Variants in RBFOX1 observed in about 807,000 individuals in gnomAD.
RBFOX1 encodes the protein RNA binding protein fox-1 homolog 1.
Under a neutral mutation model 57.7 loss-of-function variants are expected in RBFOX1, and 8 were observed. The ratio of observed to expected loss-of-function variants is 0.14; its 90% CI spans 0.08 to 0.25. The LOEUF is 0.25. Among genes scored for constraint, RBFOX1 ranks in the 10% least tolerant of loss-of-function variants. The pLI, the probability that RBFOX1 is intolerant of heterozygous loss-of-function variation, is 1.00. For missense variants in RBFOX1, 611 were observed against 548.5 expected, an observed-to-expected ratio of 1.11 and a Z score of -1.14; for synonymous variants, 326 against 222.4, an observed-to-expected ratio of 1.47 and a Z score of -4.15.
intron 3 of RBFOX1, among the ~76,000 whole-genome samples, chr16:6,877,174 A>G (rs1346380327): frequency 6.6e-6 from 1 of 152,178 alleles, no homozygotes; most frequent in Non-Finnish European, 1.5e-5. Flanking sequence ...AAGATATCTT[A>G]TTTCTGCAGC....
intron 3 of RBFOX1, among the ~76,000 whole-genome samples, chr16:6,672,961 T>A (rs1157914943): frequency 6.6e-6 from 1 of 152,084 alleles, no homozygotes; most frequent in African/African-American, 2.4e-5. Context: ...TGGTCTGAAT[T>A]GTACCCCAGT....
intron 1 of RBFOX1, among the ~76,000 whole-genome samples, chr16:6,249,840 A>G (rs2035301182): frequency 1.4e-5 from 2 of 147,146 alleles, no homozygotes; most frequent in Admixed American, 1.4e-4. Context: ...TTAGTTACAT[A>G]TGTATACATG....
At chr16:5,795,031 C>G (rs1567551612) in intron 3 of RBFOX1, among the ~76,000 whole-genome samples, 1 of 152,186 alleles carries the variant, frequency 6.6e-6, no homozygotes, top group African/African-American at 2.4e-5. Flanking sequence ...TTTCTTCTCC[C>G]CAGTTGTATG....
chr16:5,874,430 G>A (rs918061159), intron 4 of RBFOX1, among the ~76,000 whole-genome samples: 21 of 152,202 alleles, frequency 1.4e-4, no homozygotes, highest in African/African-American at 5.1e-4. Context: ...GAGTGTTCTT[G>A]AGGCTGTTGT....
At chr16:5,910,478 A>C (rs2058577409) in intron 4 of RBFOX1, among the ~76,000 whole-genome samples, 1 of 152,202 alleles carries the variant, frequency 6.6e-6, no homozygotes. Flanking sequence ...GAAAGTCTTG[A>C]CAATGGTTGG....
chr16:5,773,507 A>G (rs2151683586), intron 3 of RBFOX1, among the ~76,000 whole-genome samples: 1 of 152,356 alleles, frequency 6.6e-6, no homozygotes, highest in African/African-American at 2.4e-5. Flanking sequence ...TTTTCATAAC[A>G]TGAACGTACT....
chr16:7,688,672 G>C (rs533511960), intron 14 of RBFOX1, among the ~76,000 whole-genome samples: 16 of 152,186 alleles, frequency 1.1e-4, no homozygotes, highest in Non-Finnish European at 2.4e-4. Flanking sequence ...ACTAATTTAA[G>C]TGTACCACCA....
chr16:6,906,630 A>G (rs1419492467), intron 3 of RBFOX1, among the ~76,000 whole-genome samples: 1 of 152,134 alleles, frequency 6.6e-6, no homozygotes, highest in Non-Finnish European at 1.5e-5. Context: ...TTCCTTGAGG[A>G]CAGGAACAGC....
intron 3 of RBFOX1, among the ~76,000 whole-genome samples, chr16:6,796,330 G>A (rs968862101): frequency 3.3e-5 from 5 of 152,066 alleles, no homozygotes; most frequent in African/African-American, 4.8e-5. Context: ...AATTCAAGAC[G>A]ACATGTGAGT....
chr16:7,084,966 C>T (rs1478711), intron 4 of RBFOX1, among the ~76,000 whole-genome samples: 88,505 of 152,056 alleles, frequency 0.58, 29,103 homozygotes, highest in East Asian at 0.89. Context: ...ATGTATCTGT[C>T]TGTCTGTCTG....
intron 4 of RBFOX1, among the ~76,000 whole-genome samples, chr16:7,088,337 T>A (rs1422208261): frequency 6.6e-6 from 1 of 152,208 alleles, no homozygotes; most frequent in East Asian, 1.9e-4. Context: ...TGTTTTTGTT[T>A]CTGTTTCTCT....
intron 4 of RBFOX1, among the ~76,000 whole-genome samples, chr16:7,239,991 G>A (rs2093976269): frequency 6.6e-6 from 1 of 152,084 alleles, no homozygotes; most frequent in African/African-American, 2.4e-5. Flanking sequence ...ATTTGAGACT[G>A]AGCCTAGCTC....
chr16:6,078,982 T>A (rs1251328079), intron 1 of RBFOX1, among the ~76,000 whole-genome samples: 2 of 152,306 alleles, frequency 1.3e-5, no homozygotes, highest in East Asian at 3.9e-4. Flanking sequence ...TTATATTAGC[T>A]TGTAGTGTAT....
intron 4 of RBFOX1, among the ~76,000 whole-genome samples, chr16:7,067,492 C>T (rs1244371808): frequency 6.6e-6 from 1 of 151,160 alleles, no homozygotes; most frequent in African/African-American, 2.4e-5. Flanking sequence ...GTCCAATTCC[C>T]TGTAGTTGTA....
chr16:7,022,851 T>G (rs868187582), intron 3 of RBFOX1, among the ~76,000 whole-genome samples: 1 of 152,184 alleles, frequency 6.6e-6, no homozygotes, highest in Non-Finnish European at 1.5e-5. Context: ...GCAGAGAATT[T>G]GAACAACTGC....
upstream of RBFOX1, among the ~76,000 whole-genome samples, chr16:6,016,200 A>T (rs920349349): frequency 1.3e-5 from 2 of 152,228 alleles, no homozygotes; most frequent in Non-Finnish European, 2.9e-5. Flanking sequence ...GAGACAAATG[A>T]CAGGGTAAAG....
chr16:7,382,315 A>G (rs1451746341), intron 4 of RBFOX1, among the ~76,000 whole-genome samples: 3 of 152,338 alleles, frequency 2.0e-5, no homozygotes, highest in East Asian at 3.9e-4. Context: ...ACTTAAAGCT[A>G]TCCACAGCCC....
At chr16:5,353,434 G>A (rs934079336) in intron 1 of RBFOX1, among the ~76,000 whole-genome samples, 2 of 150,396 alleles carry the variant, frequency 1.3e-5, no homozygotes, top group African/African-American at 4.9e-5. Flanking sequence ...CTCTTCCTCC[G>A]CCCCTCTGTG....
chr16:6,975,322 G>C (rs1232863730), intron 3 of RBFOX1, among the ~76,000 whole-genome samples: 1 of 151,940 alleles, frequency 6.6e-6, no homozygotes, highest in Non-Finnish European at 1.5e-5. Flanking sequence ...CTGGAGTGCA[G>C]TGGCACAATA....
Sources: gnomAD v4.1 joint callset for allele counts (sites outside exome capture counted in the v4.1 genomes callset) on GRCh38, gnomAD v4.1.1 for gene constraint, MANE v1.5 for transcripts, NCBI Gene and HGNC (gene_info 2026-07-23, HGNC 2026-07-21) for gene names.